WDR26: variants seen among roughly 807,000 people sequenced by gnomAD.
The protein encoded by WDR26 is WD repeat domain 26, also known as WD repeat-containing protein 26.
In WDR26, 5 loss-of-function variants were observed where a neutral mutation model predicts 84.1. That is an observed-to-expected ratio of 0.06 (90% CI 0.03 to 0.13). WDR26 has a LOEUF of 0.13. Ranked by LOEUF, WDR26 falls within the 10% of genes least tolerant of loss-of-function variation. The pLI is 1.00. For synonymous variants in WDR26, 415 were observed against 389.6 expected (o/e 1.07, Z -0.77); for missense variants, 642 against 974.9 (o/e 0.66, Z 4.55).
At chr1:224,398,623 A>G in intron 10 of WDR26, 30 bp from the exon 11 acceptor site, 1 of 1,542,124 alleles carries the variant, frequency 6.5e-7, no homozygotes, top group Middle Eastern at 1.7e-4. Flanking sequence ...TGTCAAAAAC[A>G]ACATATTAAC....
rs564833309 is a variant in WDR26 at position 224,396,229 on chromosome 1, C to T, written c.2074+1868G>A. The stretch of plus-strand genomic sequence containing the variant: ...TTAATTATAGTATTCATCGTTGTTT[C>T]TAAGTTAGTTTGGGCTTAAAAAAAA... On this transcript the variant is annotated intron_variant, in intron 12 of 13. Transcript: ENST00000414423. 1.1e-4 allele frequency among the ~76,000 whole-genome samples: 17 copies of T among 152,158 alleles called. No homozygotes were observed. The South Asian group carries it at 3.5e-3, about 32-fold the overall frequency.
intron 7 of WDR26, among the ~76,000 whole-genome samples, chr1:224,408,026 A>G (rs1308595739): frequency 6.6e-6 from 1 of 152,156 alleles, no homozygotes; most frequent in Non-Finnish European, 1.5e-5. Flanking sequence ...TACATGTAAC[A>G]CCTATTAATT....
intron 1 of WDR26, among the ~76,000 whole-genome samples, chr1:224,432,140 AATT>A (rs751211199): frequency 3.0e-4 from 46 of 152,370 alleles, no homozygotes; most frequent in Non-Finnish European, 6.0e-4. Flanking sequence ...GAAAGATAAA[AATT>A]ATTAGCTTCA....
Position 224,434,092 on chromosome 1 carries a change from C to T in WDR26, c.314G>A (p.Gly105Glu). The T allele has an allele frequency of 6.9e-7, 1 of 1,441,712 alleles. No individual in the cohort carries two copies. The highest frequency in any genetic ancestry group is 9.1e-7 in the Non-Finnish European group (1 of 1,103,176). 89.3% of individuals were successfully genotyped at this position (1,441,712 alleles called of 1,614,324 possible). ...GCCACCTCCTCCTCCTCCTCCTGCC[C>T]CATTGGCCTGCATGATGCTGCCGCT... is the stretch of plus-strand genomic sequence containing the variant. The change falls in exon 1 of 14, where the codon GGG becomes GAG. Residue 105 changes from glycine (G) to glutamate (E), a missense_variant. Gly to Glu is a moderately conservative substitution (Grantham distance 98). This residue lies in a region of WDR26 where 291 missense variants were observed against 302.1 expected (regional missense o/e 0.96). Transcript: ENST00000414423.
At chr1:224,390,753 G>C (rs904389375) in intron 13 of WDR26, among the ~76,000 whole-genome samples, 2 of 152,016 alleles carry the variant, frequency 1.3e-5, no homozygotes, top group African/African-American at 2.4e-5. Context: ...CTGGGCGACA[G>C]AGTGAGACTC....
At chr1:224,411,321 A>G (rs2102905175) in intron 7 of WDR26, 106 bp downstream of exon 7, 3 of 1,234,208 alleles carry the variant, frequency 2.4e-6, no homozygotes, top group Non-Finnish European at 3.2e-6. Flanking sequence ...AAATGCTCTT[A>G]GAAAAGAATA....
chr1:224,426,188 T>TA (rs1312994497), intron 3 of WDR26, among the ~76,000 whole-genome samples: 1 of 152,168 alleles, frequency 6.6e-6, no homozygotes, highest in East Asian at 1.9e-4. Context: ...CATAAAAAAA[T>TA]ACACTGCTGT....
At chr1:224,393,419 A>G (rs1673177692) in intron 13 of WDR26, among the ~76,000 whole-genome samples, 1 of 152,182 alleles carries the variant, frequency 6.6e-6, no homozygotes, top group African/African-American at 2.4e-5. Flanking sequence ...ACTTTTTTTT[A>G]AAGAGTAAAA....
At chr1:224,406,526 T>C (rs1200132828) in intron 7 of WDR26, among the ~76,000 whole-genome samples, 2 of 152,254 alleles carry the variant, frequency 1.3e-5, no homozygotes, top group African/African-American at 2.4e-5. Context: ...ATGTTTACAC[T>C]ATTGTTTCTT....
chr1:224,429,225 C>T lies in WDR26; in HGVS notation c.927+2252G>A, dbSNP rs145982231. 3.4e-3 allele frequency: 518 copies of T among 151,312 alleles called. 1 individual carries two copies. The highest frequency in any genetic ancestry group is 6.7e-3 in the Middle Eastern group (2 of 298). The allele number at this position is 151,312 out of a possible 1,614,324, so 9.4% of individuals were successfully genotyped here. On this transcript the variant is annotated intron_variant, in intron 3 of 13. Transcript: ENST00000414423. ...GCAGTGAGCCGAGATCGCGCCACTG[C>T]ACTCCAGCCTGGGCGACAGAGCGAG... is the stretch of plus-strand genomic sequence containing the variant.
At chr1:224,401,374 T>C (rs1467587280) in intron 8 of WDR26, among the ~76,000 whole-genome samples, 2 of 152,168 alleles carry the variant, frequency 1.3e-5, no homozygotes, top group African/African-American at 4.8e-5. Flanking sequence ...ATGTAATTTT[T>C]CCCAAGCAAG....
chr1:224,408,789 T>C (rs1673653699), intron 7 of WDR26, among the ~76,000 whole-genome samples: 1 of 152,206 alleles, frequency 6.6e-6, no homozygotes, highest in South Asian at 2.1e-4. Flanking sequence ...CATAATACTT[T>C]ATGTATTATC....
Position 224,434,271 on chromosome 1 carries a change from C to G in WDR26, c.135G>C (p.Ser45=), listed in dbSNP as rs1261438137. 3 of 1,283,314 alleles carry G rather than the reference C, an allele frequency of 2.3e-6. No homozygotes were observed. Among genetic ancestry groups the G allele is most frequent in the Non-Finnish European group, 2.0e-6 (2 of 1,016,732 alleles). 79.5% of individuals were successfully genotyped at this position (1,283,314 alleles called of 1,614,324 possible). ...GAGGGGAGAGGCCTGCTCTGCCTGC[C>G]GAAGCCCCGGGCTCTCCTACTCCCT... The change falls in exon 1 of 14, where the codon TCG becomes TCC. Residue 45 remains serine (S), a synonymous_variant. Coordinates refer to ENST00000414423, the MANE Select transcript of WDR26 (RefSeq NM_001379403.1).
chr1:224,431,410 G>A, intron 3 of WDR26, 67 bp downstream of exon 3: 1 of 1,420,500 alleles, frequency 7.0e-7, no homozygotes, highest in Non-Finnish European at 9.8e-7. Flanking sequence ...AGAGGCAGAA[G>A]CCTAGAGTTA....
chr1:224,415,212 T>C (rs1380105365), intron 6 of WDR26, among the ~76,000 whole-genome samples: 2 of 152,188 alleles, frequency 1.3e-5, no homozygotes, highest in Non-Finnish European at 2.9e-5. Context: ...GGTAGATGGT[T>C]GCTTTTCACT....
rs1195820359 is a variant in WDR26, at chr1:224,424,543, T to C, written c.1039A>G (p.Thr347Ala). Residue 347 changes from threonine (T) to alanine (A), a missense_variant, in exon 4 of 14, where the codon ACA becomes GCA. Transcript: ENST00000414423. ...CCACTAAGAACATGAATGCGCTCTG[T>C]ATTGTATTTCAGCGGCGTCAATTCA... is the stretch of plus-strand genomic sequence containing the variant. The C allele has an allele frequency of 1.2e-6, 2 of 1,614,052 alleles. No homozygotes were observed. Among genetic ancestry groups the C allele is most frequent in the Non-Finnish European group, 1.7e-6 (2 of 1,179,906 alleles).
intron 12 of WDR26, among the ~76,000 whole-genome samples, chr1:224,397,096 T>C (rs951102341): frequency 2.0e-5 from 3 of 152,152 alleles, no homozygotes; most frequent in African/African-American, 7.2e-5. Context: ...TCTTATACAA[T>C]AAATGGAACA....
At chr1:224,423,584 C>G (rs557506358) in intron 4 of WDR26, among the ~76,000 whole-genome samples, 7 of 152,074 alleles carry the variant, frequency 4.6e-5, no homozygotes, top group Admixed American at 4.6e-4. Flanking sequence ...CCTGTCTCTA[C>G]AAAAAATGAA....
intron 7 of WDR26, among the ~76,000 whole-genome samples, chr1:224,409,506 G>C (rs900412495): frequency 6.6e-6 from 1 of 152,158 alleles, no homozygotes; most frequent in Non-Finnish European, 1.5e-5. Flanking sequence ...ACCTTTCATT[G>C]TTTGTAGCAT....
Sources: gnomAD v4.1 joint callset for allele counts (sites outside exome capture counted in the v4.1 genomes callset) on GRCh38, gnomAD v4.1.1 for gene constraint, gnomAD v4.1.1 regional missense constraint, MANE v1.5 for transcripts, NCBI Gene and HGNC (gene_info 2026-07-23, HGNC 2026-07-21) for gene names.